The following UNC45B variants were observed in gnomAD, a reference collection of about 807,000 sequenced individuals.
The protein encoded by UNC45B is protein unc-45 homolog B.
A neutral mutation model predicts 98.7 loss-of-function variants in UNC45B; 78 were observed. That is an observed-to-expected ratio of 0.79 (90% CI 0.66 to 0.95). The LOEUF is 0.95. Among genes scored for constraint, UNC45B ranks in the 40% least tolerant of loss-of-function variants. The pLI, the probability that UNC45B is intolerant of heterozygous loss-of-function variation, is 0.00. For missense variants in UNC45B, 1,225 were observed against 1,184.9 expected (o/e 1.03, Z -0.50); for synonymous variants, 462 against 480.4 (o/e 0.96, Z 0.50).
chr17:35,171,360 C>G lies in UNC45B; in HGVS notation c.1728C>G (p.Thr576=). The change falls in exon 13 of 20, where the codon ACC becomes ACG. Residue 576 remains threonine, a synonymous_variant. Transcript: ENST00000394570. ...DKTILYSVAT[T]LVNCTNSYDV... The stretch of plus-strand genomic sequence containing the variant: ...CCATCCTGTACTCGGTGGCCACCAC[C>G]CTGGTGAACTGCACCAACAGCTACG... 1 of 1,614,212 alleles carries G rather than the reference C, an allele frequency of 6.2e-7. No individual in the cohort carries two copies. Among genetic ancestry groups the G allele is most frequent in the Non-Finnish European group, 8.5e-7 (1 of 1,180,030 alleles).
chr17:35,170,129 G>A lies in UNC45B; in HGVS notation c.1563G>A (p.Met521Ile). The A allele has an allele frequency of 6.2e-7, 1 of 1,612,616 alleles. No individual in the cohort carries two copies. Among genetic ancestry groups the A allele is most frequent in the Non-Finnish European group, 8.5e-7 (1 of 1,179,100 alleles). Residue 521 changes from methionine to isoleucine, a missense_variant, in exon 12 of 20, where the codon ATG (methionine) becomes ATA (isoleucine). By Grantham distance (10) the Met-to-Ile change is conservative. Transcript: ENST00000394570. ...TCACTTCCAGGTGGCTGTGCAATAT[G>A]TCCATAGACACTCGGACCCGACGCT... ...AKQCRKWLCN[M>I]SIDTRTRRWA... is the part of the protein sequence containing the mutation.
chr17:35,153,039 ACAT>A, intron 5 of UNC45B, 57 bp downstream of exon 5: 1 of 1,464,090 alleles, frequency 6.8e-7, no homozygotes. Flanking sequence ...CTGGACAGTG[ACAT>A]CATTCCGAGG....
At chr17:35,155,250 AAGGG>A in intron 6 of UNC45B, 42 bp from the exon 7 acceptor site, 1 of 1,602,064 alleles carries the variant, frequency 6.2e-7, no homozygotes, top group Non-Finnish European at 8.5e-7. Flanking sequence ...TGGCAGCTAG[AAGGG>A]AGGGGCAAGG....
In UNC45B at chr17:35,148,158, C is replaced by T; in HGVS notation, c.1-106C>T. On this transcript the variant is annotated intron_variant, in intron 1 of 19. Coordinates refer to ENST00000394570, the MANE Select transcript of UNC45B (RefSeq NM_001267052.2). ...CCCTTCCAGGCAGAATCCCCACCAT[C>T]CTCTCTGGTGTGAGGGGACCCTGGA... 2.3e-6 allele frequency: 3 copies of T among 1,287,374 alleles called. No individual in the cohort carries two copies. In the East Asian group the frequency reaches 7.1e-5, roughly 30 times the overall value. The allele number at this position is 1,287,374 out of a possible 1,614,324, so 79.7% of individuals were successfully genotyped here.
chr17:35,175,075 G>GAAAGAAAGAAAGAAAGAAAC (rs1405430665), intron 14 of UNC45B, among the ~76,000 whole-genome samples: 1 of 115,064 alleles, frequency 8.7e-6, no homozygotes. Flanking sequence ...AAGAAAGAAA[G>GAAAGAAAGAAAGAAAGAAAC]AAAGAAAGAA....
intron 13 of UNC45B, among the ~76,000 whole-genome samples, chr17:35,172,626 A>G (rs965886514): frequency 5.3e-5 from 8 of 152,154 alleles, no homozygotes; most frequent in African/African-American, 1.7e-4. Flanking sequence ...GTGAAGTTCC[A>G]GTGTGGCTTC....
chr17:35,170,110 C>A lies in UNC45B; in HGVS notation c.1548-4C>A. The A allele has an allele frequency of 6.2e-7, 1 of 1,607,076 alleles. No homozygotes were observed. Among genetic ancestry groups the A allele is most frequent in the East Asian group, 2.2e-5 (1 of 44,734 alleles). ...TCCCATGTGTGCTCCCTCCTCACTT[C>A]CAGGTGGCTGTGCAATATGTCCATA... On this transcript the variant is annotated splice_polypyrimidine_tract_variant and splice_region_variant and intron_variant, in intron 11 of 19. Transcript: ENST00000394570.
rs2092266484 is a variant in UNC45B, at chr17:35,180,557, A to G, written c.2256-2A>G. ...CTTTCTTCCTCCACCCTCCTACCCT[A>G]GGCAGAAGATCTTTAAGGAGAGGGC... On this transcript the variant is annotated splice_acceptor_variant, in intron 17 of 19. Transcript: ENST00000394570. LOFTEE classifies it high-confidence loss of function. The G allele has an allele frequency of 1.2e-6, 2 of 1,612,572 alleles. No individual in the cohort carries two copies. The highest frequency in any genetic ancestry group is 2.7e-5 in the African/African-American group (2 of 74,882).
chr17:35,186,025 T>A (rs192082524), intron 19 of UNC45B, among the ~76,000 whole-genome samples: 315 of 152,034 alleles, frequency 2.1e-3, no homozygotes, highest in African/African-American at 7.3e-3. Flanking sequence ...GAAGGGGAAG[T>A]GTGTGTGTGT....
chr17:35,148,419 T>C lies in UNC45B; in HGVS notation c.156T>C (p.Cys52=). 1 of 1,613,804 alleles carries C rather than the reference T, an allele frequency of 6.2e-7. No homozygotes were observed. The highest frequency in any genetic ancestry group is 8.5e-7 in the Non-Finnish European group (1 of 1,179,944). Residue 52 remains cysteine, a synonymous_variant, in exon 2 of 20, where the codon TGT becomes TGC. Coordinates refer to ENST00000394570, the MANE Select transcript of UNC45B (RefSeq NM_001267052.2). ...LATLYRNRAA[C]GLKTESYVQA... Reference sequence around the variant, plus strand: ...CGCTTTATCGGAACCGGGCAGCCTGTGGCCTGAAAACGGTCTGGGGCAGGG... The same window carrying C: ...CGCTTTATCGGAACCGGGCAGCCTGCGGCCTGAAAACGGTCTGGGGCAGGG...
Position 35,155,420 on chromosome 17 carries a change from A to AG in UNC45B, c.766dup (p.Asp256GlyfsTer50). ...GCCATCATTGACTCCTTGTCTGGGGAGGACAAGCGGGAGCATCGAGGGAAG... is the reference window on the plus strand; with the variant it reads ...GCCATCATTGACTCCTTGTCTGGGGAGGGACAAGCGGGAGCATCGAGGGAAG... On this transcript the variant is annotated frameshift_variant, in exon 7 of 20. Transcript: ENST00000394570. LOFTEE classifies it high-confidence loss of function. 6.2e-7 allele frequency: 1 copy of AG among 1,614,138 alleles called. No homozygotes were observed. The highest frequency in any genetic ancestry group is 2.2e-5 in the East Asian group (1 of 44,876).
At chr17:35,152,349 G>A (rs1165994378) in intron 4 of UNC45B, among the ~76,000 whole-genome samples, 1 of 152,186 alleles carries the variant, frequency 6.6e-6, no homozygotes, top group Non-Finnish European at 1.5e-5. Flanking sequence ...CTGGCGGAGT[G>A]AAGGATGATG....
chr17:35,167,780 A>T (rs1020187195), intron 9 of UNC45B, among the ~76,000 whole-genome samples: 10 of 151,892 alleles, frequency 6.6e-5, no homozygotes, highest in African/African-American at 2.4e-4. Flanking sequence ...TCTCTAATAA[A>T]CTTCCTGCAT....
At chr17:35,183,309 C>G in intron 18 of UNC45B, 118 bp from the exon 19 acceptor site, 1 of 1,168,354 alleles carries the variant, frequency 8.6e-7, no homozygotes, top group Non-Finnish European at 1.1e-6. Flanking sequence ...CATGAGTGAC[C>G]TGCTCAAAGG....
intron 8 of UNC45B, 134 bp downstream of exon 8, chr17:35,159,679 C>A: frequency 9.7e-7 from 1 of 1,029,020 alleles, no homozygotes; most frequent in Non-Finnish European, 1.4e-6. Flanking sequence ...AAGGCATTGG[C>A]CCATCAGGAT....
At chr17:35,183,369 C>T (rs2092284842) in intron 18 of UNC45B, 58 bp from the exon 19 acceptor site, 3 of 1,445,106 alleles carry the variant, frequency 2.1e-6, no homozygotes, top group Non-Finnish European at 2.7e-6. Flanking sequence ...ATCTTTCCCT[C>T]TTCAGGCTGG....
chr17:35,178,025 G>T (rs1450100645), intron 17 of UNC45B, among the ~76,000 whole-genome samples: 2 of 151,982 alleles, frequency 1.3e-5, no homozygotes, highest in African/African-American at 4.8e-5. Flanking sequence ...TCAGCCTCTC[G>T]AGTAGCTGGG....
rs781616700 is a variant in UNC45B at position 35,186,433 on chromosome 17, G to A, written c.2664G>A (p.Glu888=). The change falls in exon 20 of 20, where the codon GAG becomes GAA. Residue 888 remains glutamate, a synonymous_variant. Coordinates refer to ENST00000394570, the MANE Select transcript of UNC45B (RefSeq NM_001267052.2). ...AELAKKLVES[E]LLEILTVVGK... ...TGGCCAAGAAGCTGGTGGAGAGTGA[G>A]CTGCTGGAGATCCTGACTGTGGTGG... 6 of 1,614,242 alleles carry A rather than the reference G, an allele frequency of 3.7e-6. No homozygotes were observed. In the South Asian group the frequency reaches 4.4e-5, roughly 12 times the overall value.
chr17:35,173,134 T>G (rs1246566019), intron 13 of UNC45B, among the ~76,000 whole-genome samples: 1 of 150,246 alleles, frequency 6.7e-6, no homozygotes, highest in Non-Finnish European at 1.5e-5. Context: ...ACTTTTTTTT[T>G]TTTTTTTTTT....
Sources: gnomAD v4.1 joint callset for allele counts (sites outside exome capture counted in the v4.1 genomes callset) on GRCh38, gnomAD v4.1.1 for gene constraint, MANE v1.5 for transcripts, NCBI Gene and HGNC (gene_info 2026-07-23, HGNC 2026-07-21) for gene names.